ATP8A1: variants seen among roughly 807,000 people sequenced by gnomAD.
ATP8A1 encodes phospholipid-transporting ATPase IA.
ATP8A1 carries 90 observed loss-of-function variants against 177.7 expected under a neutral mutation model. That is an observed-to-expected ratio of 0.51 (90% CI 0.43 to 0.60). The LOEUF is 0.60. Among genes scored for constraint, ATP8A1 ranks in the 20% least tolerant of loss-of-function variants. The pLI, the probability that ATP8A1 is intolerant of heterozygous loss-of-function variation, is 0.00. For missense variants in ATP8A1, 1,072 were observed against 1,392.8 expected, an observed-to-expected ratio of 0.77 and a Z score of 3.67; for synonymous variants, 493 against 485.9, an observed-to-expected ratio of 1.01 and a Z score of -0.19.
At chr4:42,424,518 C>T (rs1033928939) in intron 33 of ATP8A1, among the ~76,000 whole-genome samples, 2 of 151,960 alleles carry the variant, frequency 1.3e-5, no homozygotes, top group Non-Finnish European at 2.9e-5. Context: ...AGCCAACTAA[C>T]GCATGCACAT....
intron 20 of ATP8A1, among the ~76,000 whole-genome samples, chr4:42,533,837 A>C (rs1274588669): frequency 1.3e-5 from 2 of 152,224 alleles, no homozygotes; most frequent in African/African-American, 2.4e-5. Flanking sequence ...AAGATGGATC[A>C]TATCACAGGG....
intron 33 of ATP8A1, among the ~76,000 whole-genome samples, chr4:42,426,651 A>C (rs1229247535): frequency 6.6e-6 from 1 of 152,218 alleles, no homozygotes; most frequent in Non-Finnish European, 1.5e-5. Flanking sequence ...TCAATTGTCA[A>C]ATTTCTTTAA....
chr4:42,651,746 G>T (rs558165234), intron 1 of ATP8A1, among the ~76,000 whole-genome samples: 2 of 152,214 alleles, frequency 1.3e-5, no homozygotes, highest in African/African-American at 4.8e-5. Flanking sequence ...ACCATGCTGT[G>T]ACTTTATGGA....
chr4:42,601,033 C>CTTTTTTTTTTT, intron 5 of ATP8A1, among the ~76,000 whole-genome samples: 1 of 102,430 alleles, frequency 9.8e-6, no homozygotes, highest in Non-Finnish European at 1.9e-5. Context: ...CCCAAATTTT[C>CTTTTTTTTTTT]TTTTTTTTTT....
At chr4:42,470,154 C>T (rs527640001) in intron 25 of ATP8A1, among the ~76,000 whole-genome samples, 1 of 152,268 alleles carries the variant, frequency 6.6e-6, no homozygotes, top group Admixed American at 6.5e-5. Context: ...GTACTGTAAA[C>T]GTCCCTTTCT....
chr4:42,525,992 A>G (rs959269128), intron 20 of ATP8A1, among the ~76,000 whole-genome samples: 28 of 152,234 alleles, frequency 1.8e-4, no homozygotes, highest in Admixed American at 1.3e-4. Context: ...GAGAATGAGA[A>G]GAATCATTTG....
chr4:42,420,630 G>A (rs1382268210), intron 35 of ATP8A1, among the ~76,000 whole-genome samples: 1 of 152,160 alleles, frequency 6.6e-6, no homozygotes, highest in Non-Finnish European at 1.5e-5. Context: ...TAAGTATCAC[G>A]TGGAAGGGCT....
chr4:42,654,638 C>G (rs1463399592), intron 1 of ATP8A1, among the ~76,000 whole-genome samples: 2 of 152,208 alleles, frequency 1.3e-5, no homozygotes, highest in Admixed American at 1.3e-4. Context: ...GCCTATTCAC[C>G]TCTGCTCCCT....
chr4:42,644,996 T>C (rs962151333), intron 1 of ATP8A1, among the ~76,000 whole-genome samples: 9 of 151,954 alleles, frequency 5.9e-5, no homozygotes, highest in Admixed American at 5.2e-4. Context: ...ATAGGCTGAA[T>C]AAAGCAACTA....
chr4:42,620,806 A>T (rs796527754), intron 4 of ATP8A1, among the ~76,000 whole-genome samples: 3 of 152,352 alleles, frequency 2.0e-5, no homozygotes, highest in African/African-American at 7.2e-5. Flanking sequence ...GACTCTTCAC[A>T]ATCATGCAGA....
chr4:42,501,284 T>G (rs1300498214), intron 24 of ATP8A1, among the ~76,000 whole-genome samples: 1 of 152,254 alleles, frequency 6.6e-6, no homozygotes, highest in Admixed American at 6.5e-5. Context: ...CAAAATTTTA[T>G]AACATCTCAT....
intron 1 of ATP8A1, among the ~76,000 whole-genome samples, chr4:42,631,459 A>G (rs1738722418): frequency 6.6e-6 from 1 of 152,174 alleles, no homozygotes. Context: ...AAATGACCAA[A>G]GTAACCCACC....
At chr4:42,566,650 A>G (rs1189333280) in intron 15 of ATP8A1, among the ~76,000 whole-genome samples, 1 of 152,220 alleles carries the variant, frequency 6.6e-6, no homozygotes, top group Non-Finnish European at 1.5e-5. Flanking sequence ...TTAAATGAAA[A>G]AGAGAAATAT....
chr4:42,509,983 C>A (rs1259229327), intron 22 of ATP8A1, among the ~76,000 whole-genome samples: 4 of 151,950 alleles, frequency 2.6e-5, no homozygotes, highest in Non-Finnish European at 5.9e-5. Flanking sequence ...AGTGTAAATG[C>A]ATGAGTATGG....
chr4:42,496,522 T>C (rs1723286218), intron 24 of ATP8A1, among the ~76,000 whole-genome samples: 1 of 152,156 alleles, frequency 6.6e-6, no homozygotes, highest in East Asian at 1.9e-4. Context: ...ACAACTGGCT[T>C]TCTCAAAATA....
intron 1 of ATP8A1, among the ~76,000 whole-genome samples, chr4:42,650,408 G>A (rs768628953): frequency 1.3e-5 from 2 of 151,966 alleles, no homozygotes; most frequent in African/African-American, 2.4e-5. Context: ...CTCCTTCATC[G>A]ACCACAGCCT....
Position 42,586,441 on chromosome 4 carries a change from G to T in ATP8A1, c.630C>A (p.Asp210Glu). ...TTCTGCCAGAAATCCTCATCAAACT[G>T]TCAACGTCTTTGATATCTGATGTTG... is the stretch of plus-strand genomic sequence containing the variant. ...LPATSDIKDV[D>E]SLMRISGRIE... is the part of the protein sequence containing the mutation. Residue 210 changes from aspartate to glutamate, a missense_variant, in exon 9 of 37, where the codon GAC becomes GAA. This residue lies in a region of ATP8A1 where 344 missense variants were observed against 393.5 expected (regional missense o/e 0.87). Transcript: ENST00000381668. The T allele has an allele frequency of 6.2e-7, 1 of 1,614,042 alleles. No homozygotes were observed. The highest frequency in any genetic ancestry group is 1.1e-5 in the South Asian group (1 of 91,068).
At chr4:42,431,494 A>G (rs28373276) in intron 33 of ATP8A1, among the ~76,000 whole-genome samples, 29,313 of 124,784 alleles carry the variant, frequency 0.23, 3,082 homozygotes, top group South Asian at 0.36. Context: ...AACCATTCAC[A>G]TAACTGGTAA....
At chr4:42,462,159 T>G (rs990036716) in intron 27 of ATP8A1, among the ~76,000 whole-genome samples, 4 of 152,218 alleles carry the variant, frequency 2.6e-5, no homozygotes, top group Admixed American at 2.6e-4. Context: ...AAAAATCTCA[T>G]TTTCTGAGGA....
Sources: allele counts gnomAD v4.1 joint callset (sites outside exome capture counted in the v4.1 genomes callset), GRCh38; gene constraint gnomAD v4.1.1; regional missense constraint gnomAD v4.1.1; transcripts MANE v1.5; gene names NCBI Gene and HGNC (gene_info 2026-07-23, HGNC 2026-07-21).